The following PHF14 variants were observed in gnomAD, a reference collection of about 807,000 sequenced individuals.
PHF14 encodes PHD finger protein 14.
In PHF14, 55 loss-of-function variants were observed where a neutral mutation model predicts 117.9. The ratio of observed to expected loss-of-function variants is 0.47; its 90% CI spans 0.38 to 0.58. PHF14 has a LOEUF of 0.58. Ranked by LOEUF, PHF14 falls within the 20% of genes least tolerant of loss-of-function variation. The pLI, the probability that PHF14 is intolerant of heterozygous loss-of-function variation, is 0.00. For missense variants in PHF14, 978 were observed against 1,122.2 expected (o/e 0.87, Z 1.84); for synonymous variants, 409 against 368.6 (o/e 1.11, Z -1.26).
At chr7:11,069,170 T>C (rs1404968036) in intron 16 of PHF14, among the ~76,000 whole-genome samples, 1 of 152,054 alleles carries the variant, frequency 6.6e-6, no homozygotes, top group East Asian at 1.9e-4. Flanking sequence ...TGAACAGCAG[T>C]GGGCAAGAGT....
chr7:11,005,658 A>C (rs1488250837), intron 4 of PHF14, among the ~76,000 whole-genome samples: 2 of 152,170 alleles, frequency 1.3e-5, no homozygotes, highest in Non-Finnish European at 2.9e-5. Context: ...AATGATACAT[A>C]GAATGGCTCA....
At chr7:11,120,473 T>C (rs1392493602) in intron 17 of PHF14, among the ~76,000 whole-genome samples, 1 of 152,060 alleles carries the variant, frequency 6.6e-6, no homozygotes, top group East Asian at 1.9e-4. Context: ...CAAATGAAAA[T>C]CTTTCCTGTC....
chr7:11,031,727 T>C (rs930999500), intron 7 of PHF14, among the ~76,000 whole-genome samples: 28 of 152,142 alleles, frequency 1.8e-4, no homozygotes, highest in African/African-American at 6.0e-4. Flanking sequence ...GCACTCAGCC[T>C]GGAGAATAGA....
intron 16 of PHF14, chr7:11,105,508 G>A: frequency 4.1e-6 from 4 of 980,172 alleles, no homozygotes; most frequent in Non-Finnish European, 4.8e-6. Flanking sequence ...CAGCAGAGCA[G>A]AATATTTACA....
At chr7:10,990,571 A>G (rs1227635118) in intron 3 of PHF14, 132 bp from the exon 4 acceptor site, 2 of 590,444 alleles carry the variant, frequency 3.4e-6, no homozygotes, top group East Asian at 2.9e-5. Context: ...TGAAGTTAAT[A>G]AAAGAATGGA....
intron 4 of PHF14, among the ~76,000 whole-genome samples, chr7:10,996,105 G>A (rs1007312422): frequency 2.6e-5 from 4 of 152,242 alleles, no homozygotes; most frequent in Non-Finnish European, 5.9e-5. Context: ...ATGGATGTGG[G>A]AAGCCATAAC....
At chr7:11,073,937 TGGAGCAGCCAGGATTCTG>T (rs142896200) in intron 16 of PHF14, among the ~76,000 whole-genome samples, 1,963 of 152,266 alleles carry the variant, frequency 0.013, 46 homozygotes, top group East Asian at 0.1. Flanking sequence ...CAGCTGGAGC[TGGAGCAGCCAGGATTCTG>T]GGAGCAGTGT....
chr7:11,066,915 G>A, intron 16 of PHF14, among the ~76,000 whole-genome samples: 1 of 152,144 alleles, frequency 6.6e-6, no homozygotes, highest in Admixed American at 6.5e-5. Flanking sequence ...AGGAAAGCCT[G>A]GACATAACAC....
chr7:11,061,876 A>G (rs199736776), intron 15 of PHF14, 35 bp downstream of exon 15: 6 of 1,524,674 alleles, frequency 3.9e-6, no homozygotes, highest in Admixed American at 4.5e-5. Context: ...CACAGTCTTA[A>G]CTTTGAGAAA....
At chr7:11,042,377 A>G (rs1246348540) in intron 12 of PHF14, among the ~76,000 whole-genome samples, 1 of 151,952 alleles carries the variant, frequency 6.6e-6, no homozygotes, top group Non-Finnish European at 1.5e-5. Flanking sequence ...AGTAATAACT[A>G]AAATTAAAAT....
rs747467173 is a variant in PHF14, at chr7:11,122,352, T to TACACACACACAC, written c.2772+10907_2772+10918dup. The stretch of plus-strand genomic sequence containing the variant: ...CTTTTTATATATATATATATATATA[T>TACACACACACAC]ACACACACACACACACACACACACA... On this transcript the variant is annotated intron_variant, in intron 17 of 17. Transcript: ENST00000634607. Among the ~76,000 whole-genome samples, 202 of 65,460 alleles carry TACACACACACAC rather than the reference T, an allele frequency of 3.1e-3. 4 individuals carry two copies. The highest frequency in any genetic ancestry group is 0.016 in the East Asian group (26 of 1,666). The allele number at this position is 65,460 out of a possible 152,430, so 42.9% of individuals were successfully genotyped here.
intron 14 of PHF14, among the ~76,000 whole-genome samples, chr7:11,060,533 C>T (rs1785186821): frequency 6.6e-6 from 1 of 152,176 alleles, no homozygotes; most frequent in South Asian, 2.1e-4. Context: ...ACTTAGGATT[C>T]TTGTTAAAAG....
At chr7:10,986,310 G>A (rs949117592) in intron 3 of PHF14, among the ~76,000 whole-genome samples, 5 of 151,926 alleles carry the variant, frequency 3.3e-5, no homozygotes, top group Non-Finnish European at 7.4e-5. Context: ...AATTATTGAG[G>A]ACAACCATTA....
chr7:11,087,262 G>C (rs1221550738), intron 16 of PHF14, among the ~76,000 whole-genome samples: 1 of 151,830 alleles, frequency 6.6e-6, no homozygotes, highest in Non-Finnish European at 1.5e-5. Flanking sequence ...CACGATCTTG[G>C]CTCACTGCAA....
chr7:10,992,740 G>A (rs1452084306), intron 4 of PHF14, among the ~76,000 whole-genome samples: 1 of 152,154 alleles, frequency 6.6e-6, no homozygotes, highest in African/African-American at 2.4e-5. Context: ...TAGCATTGAT[G>A]AAATGCTGTT....
At chr7:10,995,764 C>A (rs1041296636) in intron 4 of PHF14, among the ~76,000 whole-genome samples, 1 of 152,180 alleles carries the variant, frequency 6.6e-6, no homozygotes, top group African/African-American at 2.4e-5. Flanking sequence ...GCTGGGGGAC[C>A]CGGTGCACCC....
At chr7:11,050,504 T>A (rs1177341668) in intron 13 of PHF14, among the ~76,000 whole-genome samples, 1 of 152,164 alleles carries the variant, frequency 6.6e-6, no homozygotes. Context: ...TTGTTTAGAT[T>A]TCTGCTGTCT....
In PHF14 at chr7:11,097,937, G is replaced by A. The variant is rs1052426699; in HGVS notation, c.2655-13413G>A. On this transcript the variant is annotated intron_variant, in intron 16 of 17. Coordinates refer to ENST00000634607, the MANE Select transcript of PHF14 (RefSeq NM_001007157.2). ...TTTAAAGGAAGGGGTGTGTGTATGT[G>A]TGTGTGTAGATAGGAGGGAGTGTAT... Among the ~76,000 whole-genome samples the A allele has an allele frequency of 2.0e-5, 3 of 152,132 alleles. No individual in the cohort carries two copies. In the East Asian group the frequency reaches 5.8e-4, roughly 29 times the overall value.
intron 17 of PHF14, among the ~76,000 whole-genome samples, chr7:11,155,521 C>A (rs1788816110): frequency 6.6e-6 from 1 of 152,178 alleles, no homozygotes; most frequent in African/African-American, 2.4e-5. Flanking sequence ...AATATTCTTC[C>A]CTCCATTGTT....
Sources: gnomAD v4.1 joint callset for allele counts (sites outside exome capture counted in the v4.1 genomes callset) on GRCh38, gnomAD v4.1.1 for gene constraint, MANE v1.5 for transcripts, NCBI Gene and HGNC (gene_info 2026-07-23, HGNC 2026-07-21) for gene names.